The following RUNX2 variants were observed in gnomAD, a reference collection of about 807,000 sequenced individuals.
RUNX2 encodes the protein runt-related transcription factor 2.
RUNX2 carries 10 observed loss-of-function variants against 51.7 expected under a neutral mutation model. The observed-to-expected ratio is 0.19, with a 90% CI of 0.12 to 0.33. RUNX2 has a LOEUF of 0.33. RUNX2 is among the 10% of genes least tolerant of loss of function. The pLI is 1.00. For synonymous variants in RUNX2, 276 were observed against 273.6 expected, an observed-to-expected ratio of 1.01 and a Z score of -0.09; for missense variants, 562 against 691.3, an observed-to-expected ratio of 0.81 and a Z score of 2.10.
chr6:45,404,545 G>A (rs962313885), intron 2 of RUNX2, among the ~76,000 whole-genome samples: 14 of 152,074 alleles, frequency 9.2e-5, no homozygotes, highest in South Asian at 2.1e-4. Context: ...TTTTGATAGT[G>A]TTGTTGTTGA....
At chr6:45,430,093 CA>C (rs11367524) in intron 3 of RUNX2, among the ~76,000 whole-genome samples, 75,262 of 140,564 alleles carry the variant, frequency 0.54, 19,347 homozygotes, top group East Asian at 0.68. Flanking sequence ...GACTCCATCT[CA>C]AAAAAAAAAA....
chr6:45,345,412 C>T (rs36043738), intron 2 of RUNX2, among the ~76,000 whole-genome samples: 2,013 of 152,232 alleles, frequency 0.013, 33 homozygotes, highest in Middle Eastern at 0.037. Flanking sequence ...CAGGCTTCAT[C>T]TCAATTTCCA....
chr6:45,436,701 T>G (rs1209573162), intron 4 of RUNX2, among the ~76,000 whole-genome samples: 1 of 152,174 alleles, frequency 6.6e-6, no homozygotes, highest in Non-Finnish European at 1.5e-5. Context: ...TCACTAGACT[T>G]GACAGCCAAA....
At position 45,547,650 on chromosome 6, in the gene RUNX2, G is replaced by A; in HGVS notation, c.*345G>A. On this transcript the variant is annotated 3_prime_UTR_variant, in exon 9 of 9. Transcript: ENST00000647337. The stretch of plus-strand genomic sequence containing the variant: ...TGTTCATATGCCAATTCAGAGAGGT[G>A]GACTCCAGGTTCAGGAGGGAGAAGA... 3.1e-6 allele frequency: 1 copy of A among 325,954 alleles called. No homozygotes were observed. The highest frequency in any genetic ancestry group is 2.7e-5 in the South Asian group (1 of 36,422). The allele number at this position is 325,954 out of a possible 1,614,324, so 20.2% of individuals were successfully genotyped here.
At chr6:45,364,346 A>C (rs1304856105) in intron 2 of RUNX2, among the ~76,000 whole-genome samples, 1 of 152,192 alleles carries the variant, frequency 6.6e-6, no homozygotes, top group African/African-American at 2.4e-5. Flanking sequence ...TAATCATCAC[A>C]TAGTGACGTT....
chr6:45,404,829 T>C (rs553736544), intron 2 of RUNX2, among the ~76,000 whole-genome samples: 13 of 152,252 alleles, frequency 8.5e-5, no homozygotes, highest in Non-Finnish European at 1.8e-4. Context: ...GGAAAGGCAG[T>C]GATATAGCCA....
chr6:45,425,266 CA>C (rs1274723389), intron 3 of RUNX2, among the ~76,000 whole-genome samples: 2 of 152,204 alleles, frequency 1.3e-5, no homozygotes, highest in Non-Finnish European at 2.9e-5. Flanking sequence ...TTGATTTGAA[CA>C]TGAGCATTTT....
At chr6:45,484,630 G>A (rs1339287708) in intron 5 of RUNX2, among the ~76,000 whole-genome samples, 1 of 152,158 alleles carries the variant, frequency 6.6e-6, no homozygotes, top group Non-Finnish European at 1.5e-5. Flanking sequence ...GAATGTACTT[G>A]AGTCTGGGTA....
intron 3 of RUNX2, among the ~76,000 whole-genome samples, chr6:45,425,883 A>AAGACACACATACAC (rs1554385042): frequency 2.7e-5 from 4 of 145,664 alleles, no homozygotes; most frequent in Admixed American, 2.1e-4. Flanking sequence ...AATGGATTTA[A>AAGACACACATACAC]ACACACACAT....
intron 6 of RUNX2, among the ~76,000 whole-genome samples, chr6:45,509,380 A>G (rs1293151749): frequency 1.3e-5 from 2 of 152,190 alleles, no homozygotes; most frequent in African/African-American, 2.4e-5. Context: ...GCCAGGTACC[A>G]TATTAGACAT....
At chr6:45,352,879 C>T (rs1792354072) in intron 2 of RUNX2, among the ~76,000 whole-genome samples, 1 of 151,872 alleles carries the variant, frequency 6.6e-6, no homozygotes, top group South Asian at 2.1e-4. Flanking sequence ...AAAAATTAAA[C>T]TGGTCATTTA....
rs1801507113 is a variant in RUNX2 at position 45,521,477 on chromosome 6, A to G, written c.1021+9070A>G. Among the ~76,000 whole-genome samples, 3 of 152,238 alleles carry G rather than the reference A, an allele frequency of 2.0e-5. No homozygotes were observed. In the South Asian group the frequency reaches 6.2e-4, roughly 31 times the overall value. ...ATATTTTAGGTCCAGCTTGAAACCAAATGATCAAATAGAATTTTTGATTTC... is the reference window on the plus strand; with the variant it reads ...ATATTTTAGGTCCAGCTTGAAACCAGATGATCAAATAGAATTTTTGATTTC... On this transcript the variant is annotated intron_variant, in intron 7 of 8. Transcript: ENST00000647337.
At chr6:45,384,179 T>C (rs1228457471) in intron 2 of RUNX2, among the ~76,000 whole-genome samples, 1 of 152,204 alleles carries the variant, frequency 6.6e-6, no homozygotes, top group East Asian at 1.9e-4. Context: ...AAGGTTGATA[T>C]CAGATTTAAA....
intron 5 of RUNX2, among the ~76,000 whole-genome samples, chr6:45,452,901 T>C (rs767851489): frequency 3.9e-5 from 6 of 152,196 alleles, no homozygotes; most frequent in African/African-American, 1.2e-4. Flanking sequence ...CCATGGCTCA[T>C]TAAGAACATT....
intron 7 of RUNX2, among the ~76,000 whole-genome samples, chr6:45,517,213 G>T (rs1051703357): frequency 6.6e-6 from 1 of 151,984 alleles, no homozygotes; most frequent in East Asian, 1.9e-4. Flanking sequence ...ACAGGGTCTT[G>T]CTCTATTGCT....
chr6:45,369,562 TCTC>T (rs534196694), intron 2 of RUNX2, among the ~76,000 whole-genome samples: 175 of 152,168 alleles, frequency 1.2e-3, no homozygotes, highest in African/African-American at 4.0e-3. Context: ...TTCCCTCCAC[TCTC>T]CTCCACCAAA....
At chr6:45,461,109 G>C (rs565066836) in intron 5 of RUNX2, among the ~76,000 whole-genome samples, 1 of 152,298 alleles carries the variant, frequency 6.6e-6, no homozygotes, top group African/African-American at 2.4e-5. Context: ...CAGCTGGTTT[G>C]GAACAGAGGA....
At chr6:45,390,832 T>G (rs1314590045) in intron 2 of RUNX2, among the ~76,000 whole-genome samples, 4 of 152,130 alleles carry the variant, frequency 2.6e-5, no homozygotes. Context: ...CTAAAAAGAT[T>G]GGGTTTGTGG....
At chr6:45,336,144 C>T (rs918492715) in intron 2 of RUNX2, among the ~76,000 whole-genome samples, 1 of 151,304 alleles carries the variant, frequency 6.6e-6, no homozygotes, top group Admixed American at 6.6e-5. Flanking sequence ...AAACCAAACA[C>T]ATATACATTA....
Sources: gnomAD v4.1 joint callset for allele counts (sites outside exome capture counted in the v4.1 genomes callset) on GRCh38, gnomAD v4.1.1 for gene constraint, MANE v1.5 for transcripts, NCBI Gene and HGNC (gene_info 2026-07-23, HGNC 2026-07-21) for gene names.